Variants in KCNH6 observed in about 807,000 individuals in gnomAD.
KCNH6 encodes voltage-gated inwardly rectifying potassium channel KCNH6.
KCNH6 carries 81 observed loss-of-function variants against 83.4 expected under a neutral mutation model. That is an observed-to-expected ratio of 0.97 (90% confidence interval 0.81 to 1.17). The LOEUF (loss-of-function observed/expected upper bound fraction) is 1.17, where lower values mean the gene tolerates loss of function less well. KCNH6 is among the 50% of genes most tolerant of loss of function. The pLI, the probability that KCNH6 is intolerant of heterozygous loss-of-function variation, is 0.00. For missense variants in KCNH6, 1,203 were observed against 1,290.5 expected, an observed-to-expected ratio of 0.93 and a Z score of 1.04; for synonymous variants, 503 against 545.6, an observed-to-expected ratio of 0.92 and a Z score of 1.09.
chr17:63,544,459 C>T (rs1233083895), intron 11 of KCNH6, 48 bp downstream of exon 11: 1 of 1,435,838 alleles, frequency 7.0e-7, no homozygotes, highest in Non-Finnish European at 9.2e-7. Flanking sequence ...GGTAGCCCCT[C>T]CTAGTGGCTC....
In KCNH6 at chr17:63,538,631, C is replaced by T. The variant is rs767511551; in HGVS notation, c.1923C>T (p.Ile641=). The change falls in exon 8 of 13, where the codon ATC becomes ATT. Residue 641 remains isoleucine (I), a synonymous_variant. Coordinates refer to ENST00000314672, the MANE Select transcript of KCNH6 (RefSeq NM_001278919.2). This position sits in a 1 kb window ranked among gnomAD's most constrained non-coding sequence, Gnocchi z 4.0. Reference sequence around the variant, plus strand: ...TCATCTCCCGAGGCTCCATCGAGATCCTGCGCGACGACGTGGTCGTGGCCA... The same window carrying T: ...TCATCTCCCGAGGCTCCATCGAGATTCTGCGCGACGACGTGGTCGTGGCCA... ...LYFISRGSIE[I]LRDDVVVAIL... is the part of the protein sequence containing the mutation. 4 of 1,602,276 alleles carry T rather than the reference C, an allele frequency of 2.5e-6. No individual in the cohort carries two copies. The highest frequency in any genetic ancestry group is 3.4e-6 in the Non-Finnish European group (4 of 1,172,384).
chr17:63,538,665 G>T lies in KCNH6; in HGVS notation c.1954+3G>T. The T allele has an allele frequency of 6.3e-7, 1 of 1,575,228 alleles. No homozygotes were observed. The highest frequency in any genetic ancestry group is 1.8e-5 in the Admixed American group (1 of 56,998). The stretch of plus-strand genomic sequence containing the variant: ...CGACGTGGTCGTGGCCATCCTAGGT[G>T]GGTCCGGCGGAGTGGACCAGGCCTG... On this transcript the variant is annotated splice_donor_region_variant and intron_variant, in intron 8 of 12. Coordinates refer to ENST00000314672, the MANE Select transcript of KCNH6 (RefSeq NM_001278919.2). The surrounding 1 kb of genome is among the most constrained non-coding windows in gnomAD (Gnocchi z 4.0).
In KCNH6 at chr17:63,534,241, G is replaced by T. The variant is rs1175637362; in HGVS notation, c.1031G>T (p.Gly344Val). 1.9e-6 allele frequency: 3 copies of T among 1,613,984 alleles called. No individual in the cohort carries two copies. Among genetic ancestry groups the T allele is most frequent in the Middle Eastern group, 1.6e-4 (1 of 6,082 alleles). Residue 344 changes from glycine (G) to valine (V), a missense_variant, in exon 5 of 13, where the codon GGC (glycine) becomes GTC (valine). Gly to Val is a moderately radical substitution (Grantham distance 109). Coordinates refer to ENST00000314672, the MANE Select transcript of KCNH6 (RefSeq NM_001278919.2). This position sits in a 1 kb window ranked among gnomAD's most constrained non-coding sequence, Gnocchi z 5.0. ...CGCATCGCCGTCCACTACTTCAAGGGCTGGTTCCTCATTGACATGGTGGCC... is the reference window on the plus strand; with the variant it reads ...CGCATCGCCGTCCACTACTTCAAGGTCTGGTTCCTCATTGACATGGTGGCC... ...PRRIAVHYFK[G>V]WFLIDMVAAI...
At chr17:63,525,324 C>A (rs1198617562) in intron 2 of KCNH6, among the ~76,000 whole-genome samples, 1 of 152,154 alleles carries the variant, frequency 6.6e-6, no homozygotes, top group African/African-American at 2.4e-5. Flanking sequence ...GGACTGGAAC[C>A]CAAGTCTCTG....
Position 63,534,372 on chromosome 17 carries a change from C to T in KCNH6, c.1101+61C>T, listed in dbSNP as rs1010566825. 1.5e-5 allele frequency: 22 copies of T among 1,489,968 alleles called. No homozygotes were observed. Among genetic ancestry groups the T allele is most frequent in the Non-Finnish European group, 1.9e-5 (21 of 1,093,280 alleles). 92.3% of individuals were successfully genotyped at this position (1,489,968 alleles called of 1,614,324 possible). ...GTCCTCTGCACGCTGGCCTCAAGCC[C>T]TCCCTGCTGCACAGCACTGGGTGCG... On this transcript the variant is annotated intron_variant, in intron 5 of 12. Coordinates refer to ENST00000314672, the MANE Select transcript of KCNH6 (RefSeq NM_001278919.2). The surrounding 1 kb of genome is among the most constrained non-coding windows in gnomAD (Gnocchi z 5.0).
rs115343420 is a variant in KCNH6 at position 63,544,913 on chromosome 17, G to A, written c.2397-165G>A. Among the ~76,000 whole-genome samples the A allele has an allele frequency of 2.6e-3, 402 of 152,222 alleles. 4 individuals are homozygous for A. The highest frequency in any genetic ancestry group is 9.3e-3 in the African/African-American group (385 of 41,528). ...GTTAAGAGTCAGGGGTGTACCAGGG[G>A]GATTCTGGGCCGGGGCTGTGGATCC... On this transcript the variant is annotated intron_variant, in intron 11 of 12. Transcript: ENST00000314672.
At chr17:63,536,102 T>C in intron 6 of KCNH6, 34 bp downstream of exon 6, 1 of 1,595,094 alleles carries the variant, frequency 6.3e-7, no homozygotes, top group South Asian at 1.1e-5. Context: ...CCTAACTTCA[T>C]GCTCTGGTCT....
downstream of KCNH6, chr17:63,548,773 A>G (rs940912408): frequency 6.6e-6 from 1 of 151,936 alleles, no homozygotes; most frequent in Non-Finnish European, 1.5e-5. Context: ...TTCCTTTTTA[A>G]ATTTGTTTTT....
rs775295966 is a variant in KCNH6 at position 63,545,865 on chromosome 17, G to A, written c.2840G>A (p.Gly947Asp). The A allele has an allele frequency of 1.2e-6, 2 of 1,614,026 alleles. No individual in the cohort carries two copies. The highest frequency in any genetic ancestry group is 1.7e-6 in the Non-Finnish European group (2 of 1,180,008). The change falls in exon 13 of 13, where the codon GGC (glycine) becomes GAC (aspartate). Residue 947 changes from glycine (G) to aspartate (D), a missense_variant. Coordinates refer to ENST00000314672, the MANE Select transcript of KCNH6 (RefSeq NM_001278919.2). ...AAGCAGCTGGACTTCCAGAGACATGGCTCAGATCCTGGATTTGCAGGGAGT... is the reference window on the plus strand; with the variant it reads ...AAGCAGCTGGACTTCCAGAGACATGACTCAGATCCTGGATTTGCAGGGAGT... ...VPKQLDFQRHGSDPGFAGSWG... is the reference protein window; with the variant it reads ...VPKQLDFQRHDSDPGFAGSWG...
intron 2 of KCNH6, among the ~76,000 whole-genome samples, chr17:63,529,855 A>T (rs1281316643): frequency 1.3e-5 from 2 of 152,156 alleles, no homozygotes; most frequent in Non-Finnish European, 2.9e-5. Context: ...GCCTGATCTG[A>T]TGCTACCTTA....
chr17:63,547,792 AT>A (rs903990698), downstream of KCNH6, among the ~76,000 whole-genome samples: 3 of 150,788 alleles, frequency 2.0e-5, no homozygotes, highest in Admixed American at 6.6e-5. Context: ...CTACAAAACA[AT>A]TTTTTTTTAA....
chr17:63,524,299 G>A lies in KCNH6; in HGVS notation c.237G>A (p.Val79=), dbSNP rs775873197. The change falls in exon 2 of 13, where the codon GTG becomes GTA. Residue 79 remains valine (V), a synonymous_variant. Coordinates refer to ENST00000314672, the MANE Select transcript of KCNH6 (RefSeq NM_001278919.2). ...LTGPNTPSSA[V]SRLAQALLGA... ...GCCCCAACACACCAAGCAGCGCCGT[G>A]TCCCGCCTAGCGCAGGCCCTGCTGG... 6 of 1,613,860 alleles carry A rather than the reference G, an allele frequency of 3.7e-6. No individual in the cohort carries two copies. The highest frequency in any genetic ancestry group is 5.1e-6 in the Non-Finnish European group (6 of 1,180,020).
intron 2 of KCNH6, among the ~76,000 whole-genome samples, chr17:63,528,900 T>A (rs2031899053): frequency 6.6e-6 from 1 of 152,138 alleles, no homozygotes; most frequent in Non-Finnish European, 1.5e-5. Flanking sequence ...AGTGGCATGA[T>A]CTTGGTTCAC....
Position 63,524,316 on chromosome 17 carries a change from C to T in KCNH6, c.254C>T (p.Ala85Val). 1 of 1,613,990 alleles carries T rather than the reference C, an allele frequency of 6.2e-7. No homozygotes were observed. The highest frequency in any genetic ancestry group is 1.1e-5 in the South Asian group (1 of 91,084). Residue 85 changes from alanine (A) to valine (V), a missense_variant, in exon 2 of 13, where the codon GCC becomes GTC. Ala to Val is a moderately conservative substitution (Grantham distance 64). Coordinates refer to ENST00000314672, the MANE Select transcript of KCNH6 (RefSeq NM_001278919.2). The stretch of plus-strand genomic sequence containing the variant: ...AGCGCCGTGTCCCGCCTAGCGCAGG[C>T]CCTGCTGGGGGCTGAGGAGTGCAAG... ...PSSAVSRLAQALLGAEECKVD... is the reference protein window; with the variant it reads ...PSSAVSRLAQVLLGAEECKVD...
chr17:63,543,468 C>T (rs779989928), intron 9 of KCNH6, 108 bp from the exon 10 acceptor site: 1 of 736,778 alleles, frequency 1.4e-6, no homozygotes, highest in Admixed American at 2.1e-5. Context: ...AGCTGCTTGT[C>T]ATTCTTTCAC....
chr17:63,534,462 C>A lies in KCNH6; in HGVS notation c.1101+151C>A. On this transcript the variant is annotated intron_variant, in intron 5 of 12. Coordinates refer to ENST00000314672, the MANE Select transcript of KCNH6 (RefSeq NM_001278919.2). The surrounding 1 kb of genome is among the most constrained non-coding windows in gnomAD (Gnocchi z 5.0). ...GAGGTGGAGAGGAGGCCCCAAACAT[C>A]TGTCACCTCCCAGCCCTGGAGAAGG... 1.3e-6 allele frequency: 1 copy of A among 770,630 alleles called. No individual in the cohort carries two copies. Among genetic ancestry groups the A allele is most frequent in the Non-Finnish European group, 2.0e-6 (1 of 490,818 alleles). The allele number at this position is 770,630 out of a possible 1,614,324, so 47.7% of individuals were successfully genotyped here. A position where few individuals can be genotyped will look rare whatever the true frequency, so the allele number is the denominator to read the frequency against.
rs755296585 is a variant in KCNH6, at chr17:63,530,389, G to A, written c.522G>A (p.Lys174=). 4.6e-5 allele frequency: 75 copies of A among 1,614,224 alleles called. No homozygotes were observed. The Admixed American group carries it at 1.2e-3, about 27-fold the overall frequency. ...GGPGPGTGRG[K]YRTISQIPQF... is the part of the protein sequence containing the mutation. ...CAGGGCCAGGCACAGGCAGGGGCAAGTACAGGACCATCAGCCAGATCCCAC... is the reference window on the plus strand; with the variant it reads ...CAGGGCCAGGCACAGGCAGGGGCAAATACAGGACCATCAGCCAGATCCCAC... Residue 174 remains lysine (K), a synonymous_variant, in exon 4 of 13, where the codon AAG becomes AAA. Coordinates refer to ENST00000314672, the MANE Select transcript of KCNH6 (RefSeq NM_001278919.2).
chr17:63,545,334 C>A, intron 12 of KCNH6, 70 bp downstream of exon 12: 1 of 1,509,136 alleles, frequency 6.6e-7, no homozygotes, highest in Non-Finnish European at 9.1e-7. Flanking sequence ...CTGACTTGTT[C>A]ACAGTGCAGC....
chr17:63,538,123 G>C lies in KCNH6; in HGVS notation c.1560G>C (p.Ser520=), dbSNP rs760907803. ...CCGCGATCATCCAGCGCCTGTACTCGGGCACCGCGCGCTACCACACGCAGA... is the reference window on the plus strand; with the variant it reads ...CCGCGATCATCCAGCGCCTGTACTCCGGCACCGCGCGCTACCACACGCAGA... ...NVSAIIQRLY[S]GTARYHTQML... Residue 520 remains serine (S), a synonymous_variant, in exon 7 of 13, where the codon TCG becomes TCC. Transcript: ENST00000314672. This position sits in a 1 kb window ranked among gnomAD's most constrained non-coding sequence, Gnocchi z 4.0. The C allele has an allele frequency of 1.9e-6, 3 of 1,614,086 alleles. No homozygotes were observed. Among genetic ancestry groups the C allele is most frequent in the Non-Finnish European group, 2.5e-6 (3 of 1,180,022 alleles).
Sources: gnomAD v4.1 joint callset for allele counts (sites outside exome capture counted in the v4.1 genomes callset) on GRCh38, gnomAD v4.1.1 for gene constraint, Gnocchi (gnomAD v3.1) non-coding constraint, MANE v1.5 for transcripts, NCBI Gene and HGNC (gene_info 2026-07-23, HGNC 2026-07-21) for gene names.